CFAP54: variants seen among roughly 807,000 people sequenced by gnomAD.
CFAP54 encodes cilia and flagella associated protein 54, also known as cilia- and flagella-associated protein 54.
CFAP54 carries 290 observed loss-of-function variants against 370.4 expected under a neutral mutation model. That is an observed-to-expected ratio of 0.78 (90% confidence interval 0.71 to 0.86). The LOEUF is 0.86. Ranked by LOEUF, CFAP54 falls within the 40% of genes least tolerant of loss-of-function variation. CFAP54 has a pLI of 0.00. For synonymous variants in CFAP54, 1,206 were observed against 1,236.5 expected (o/e 0.98, Z 0.52); for missense variants, 3,399 against 3,528.7 (o/e 0.96, Z 0.93).
chr12:96,519,785 A>G (rs1955282748), intron 6 of CFAP54, among the ~76,000 whole-genome samples: 1 of 152,200 alleles, frequency 6.6e-6, no homozygotes, highest in Non-Finnish European at 1.5e-5. Flanking sequence ...TGTAGTGAGA[A>G]CACTTAAAAT....
chr12:96,848,266 G>A (rs1959416048), intron 66 of CFAP54, among the ~76,000 whole-genome samples: 1 of 152,002 alleles, frequency 6.6e-6, no homozygotes, highest in East Asian at 1.9e-4. Flanking sequence ...TAGTAGAGAC[G>A]GTTTCACCAT....
At chr12:96,650,202 G>T (rs1296673958) in intron 35 of CFAP54, 130 bp downstream of exon 35, 3 of 786,008 alleles carry the variant, frequency 3.8e-6, no homozygotes, top group Non-Finnish European at 6.0e-6. Flanking sequence ...ATCTCATCTT[G>T]CTGGGTGTAT....
chr12:96,732,514 G>T (rs940675427), intron 50 of CFAP54, among the ~76,000 whole-genome samples: 27 of 151,890 alleles, frequency 1.8e-4, no homozygotes, highest in Non-Finnish European at 3.2e-4. Flanking sequence ...AAATATAGTT[G>T]TTTGCATAAA....
intron 1 of CFAP54, among the ~76,000 whole-genome samples, chr12:96,492,569 C>T (rs1180625396): frequency 6.6e-6 from 1 of 152,188 alleles, no homozygotes; most frequent in Admixed American, 6.5e-5. Flanking sequence ...TATTGTCTGT[C>T]TCATTAGGAT....
chr12:96,667,487 A>T (rs1388174302), intron 39 of CFAP54, among the ~76,000 whole-genome samples: 6 of 152,220 alleles, frequency 3.9e-5, no homozygotes, highest in African/African-American at 1.2e-4. Context: ...ACTCAACACC[A>T]TGTGGAAACT....
Position 96,576,530 on chromosome 12 carries a change from T to TA in CFAP54, c.2620-52dup, listed in dbSNP as rs1358184745. ...TAACATCACTAGAATTCTATAAACG[T>TA]AAATAGAGTTCAAGCTCTTGACATA... is the stretch of plus-strand genomic sequence containing the variant. On this transcript the variant is annotated intron_variant, in intron 19 of 67. Transcript: ENST00000524981. 4 of 1,282,526 alleles carry TA rather than the reference T, an allele frequency of 3.1e-6. No individual in the cohort carries two copies. The African/African-American group carries it at 6.0e-5, about 19-fold the overall frequency. 79.4% of individuals were successfully genotyped at this position (1,282,526 alleles called of 1,614,324 possible).
At chr12:96,725,162 C>CTT (rs1466394599) in intron 50 of CFAP54, among the ~76,000 whole-genome samples, 1 of 151,946 alleles carries the variant, frequency 6.6e-6, no homozygotes, top group Non-Finnish European at 1.5e-5. Context: ...GATGCGGGCT[C>CTT]TTTTTTGGTT....
At chr12:96,764,548 G>A (rs1316407756) in intron 59 of CFAP54, among the ~76,000 whole-genome samples, 1 of 152,124 alleles carries the variant, frequency 6.6e-6, no homozygotes, top group South Asian at 2.1e-4. Context: ...TTGACTCTGG[G>A]AGGTCGAGGC....
intron 62 of CFAP54, among the ~76,000 whole-genome samples, chr12:96,789,150 G>C (rs1958658461): frequency 6.6e-6 from 1 of 152,266 alleles, no homozygotes; most frequent in African/African-American, 2.4e-5. Context: ...GTGGGGACAG[G>C]CTCCTTAAAA....
intron 65 of CFAP54, among the ~76,000 whole-genome samples, chr12:96,819,836 C>T (rs1959011976): frequency 6.6e-6 from 1 of 152,114 alleles, no homozygotes; most frequent in African/African-American, 2.4e-5. Flanking sequence ...CCTCTGGAGC[C>T]TCCCACCCTC....
rs1428719204 is a variant in CFAP54, at chr12:96,644,376, G to T, written c.4515G>T (p.Lys1505Asn). ...LVLQKLWECT[K>N]MKFGTSHMMV... ...TACAAAAGCTATGGGAGTGTACGAA[G>T]ATGAAATTTGGCACATCACATATGA... Residue 1505 changes from lysine (K) to asparagine (N), a missense_variant, in exon 33 of 68, where the codon AAG becomes AAT. Lys to Asn is a moderately conservative substitution (Grantham distance 94). Around this residue, in one of 3 missense-constraint regions of CFAP54, gnomAD observed 2,796 missense variants for 2,869.7 expected, o/e 0.97. Transcript: ENST00000524981. The T allele has an allele frequency of 6.5e-7, 1 of 1,535,720 alleles. No individual in the cohort carries two copies. Among genetic ancestry groups the T allele is most frequent in the African/African-American group, 1.4e-5 (1 of 73,028 alleles).
intron 52 of CFAP54, 35 bp from the exon 53 acceptor site, chr12:96,743,367 A>G (rs746151386): frequency 6.2e-7 from 1 of 1,605,106 alleles, no homozygotes; most frequent in Non-Finnish European, 8.5e-7. Flanking sequence ...TGACTTTCTC[A>G]ATGCATTTTA....
At position 96,518,975 on chromosome 12, in the gene CFAP54, C is replaced by A; in HGVS notation, c.846C>A (p.Val282=). Residue 282 remains valine (V), a synonymous_variant, in exon 6 of 68, where the codon GTC becomes GTA. Transcript: ENST00000524981. ...LWASMCMESL[V]PLLSLRYLTW... ...CCAGCATGTGTATGGAGTCCTTGGT[C>A]CCGCTCCTGTCACTCAGGTACTTGA... 3.9e-6 allele frequency: 6 copies of A among 1,536,030 alleles called. No individual in the cohort carries two copies. The highest frequency in any genetic ancestry group is 5.2e-6 in the Non-Finnish European group (6 of 1,146,884).
chr12:96,849,330 CA>C (rs1209893643), intron 66 of CFAP54, among the ~76,000 whole-genome samples: 2 of 152,124 alleles, frequency 1.3e-5, no homozygotes, highest in African/African-American at 4.8e-5. Flanking sequence ...ACAAGTCTCT[CA>C]ATTGTTCAAT....
chr12:96,739,836 A>G (rs1013928092), intron 50 of CFAP54, 120 bp from the exon 51 acceptor site: 1 of 596,064 alleles, frequency 1.7e-6, no homozygotes, highest in Admixed American at 3.0e-5. Context: ...GGCACCTAAC[A>G]GTTTTGGGGG....
chr12:96,699,095 T>A (rs1957465028), intron 45 of CFAP54, among the ~76,000 whole-genome samples: 1 of 152,104 alleles, frequency 6.6e-6, no homozygotes, highest in Admixed American at 6.5e-5. Flanking sequence ...AAAAGGTTAC[T>A]CTCCTATGCA....
chr12:96,537,329 C>G (rs1422723568), intron 12 of CFAP54, among the ~76,000 whole-genome samples: 4 of 151,968 alleles, frequency 2.6e-5, no homozygotes, highest in Non-Finnish European at 4.4e-5. Flanking sequence ...GTTCATCTCC[C>G]CCTGCTCCAA....
intron 62 of CFAP54, among the ~76,000 whole-genome samples, chr12:96,791,764 G>A (rs1958697535): frequency 6.6e-6 from 1 of 151,950 alleles, no homozygotes; most frequent in Admixed American, 6.6e-5. Flanking sequence ...TGGCATGGGC[G>A]TTTTCCCTGC....
intron 15 of CFAP54, among the ~76,000 whole-genome samples, chr12:96,552,671 G>A (rs976621752): frequency 6.6e-6 from 1 of 152,118 alleles, no homozygotes; most frequent in African/African-American, 2.4e-5. Flanking sequence ...AATGTCCATT[G>A]GCAGAAGAGT....
Sources: allele counts gnomAD v4.1 joint callset (sites outside exome capture counted in the v4.1 genomes callset), GRCh38; gene constraint gnomAD v4.1.1; regional missense constraint gnomAD v4.1.1; transcripts MANE v1.5; gene names NCBI Gene and HGNC (gene_info 2026-07-23, HGNC 2026-07-21).